Variants in TMCO6 observed in about 807,000 individuals in gnomAD.
TMCO6 encodes the protein transmembrane and coiled-coil domains 6.
In TMCO6, 47 loss-of-function variants were observed where a neutral mutation model predicts 61.8. That is an observed-to-expected ratio of 0.76 (90% CI 0.60 to 0.97). The LOEUF (loss-of-function observed/expected upper bound fraction) is 0.97. TMCO6 is among the 50% of genes least tolerant of loss of function. The probability of loss-of-function intolerance (pLI) is 0.00; values close to 1 mark genes in which losing one functional copy is unlikely to be tolerated. For missense variants in TMCO6, 557 were observed against 601.6 expected (o/e 0.93, Z 0.78); for synonymous variants, 261 against 254.2 (o/e 1.03, Z -0.25).
chr5:140,632,820 A>G, the TMCO6 span: 1 of 1,613,948 alleles, frequency 6.2e-7, no homozygotes, highest in South Asian at 1.1e-5. This position sits in a 1 kb window ranked among gnomAD's most constrained non-coding sequence, Gnocchi z 6.2. Flanking sequence ...CTCCACCTCT[A>G]CTGCAGACAC....
At chr5:140,647,435 T>G (rs996216750), downstream of TMCO6, 1 of 1,608,452 alleles carries the variant, frequency 6.2e-7, no homozygotes, top group Non-Finnish European at 8.5e-7. Context: ...GTCGAGGTCG[T>G]GACCCTGGCG....
At chr5:140,643,086 C>G in intron 7 of TMCO6, 45 bp downstream of exon 7, 1 of 1,612,970 alleles carries the variant, frequency 6.2e-7, no homozygotes. Flanking sequence ...CCCTGGGGCT[C>G]CCTTCCATGA....
At chr5:140,610,335 G>A in the TMCO6 span, among the ~76,000 whole-genome samples, 4 of 151,916 alleles carry the variant, frequency 2.6e-5, no homozygotes, top group Non-Finnish European at 2.9e-5. Context: ...CCAGCCTGGC[G>A]ACGGCACAAG....
chr5:140,645,464 C>A (rs962842892), downstream of TMCO6: 5 of 1,302,194 alleles, frequency 3.8e-6, no homozygotes, highest in East Asian at 2.4e-5. Flanking sequence ...ACAAGAACAC[C>A]CTGAGAAAGT....
upstream of TMCO6, among the ~76,000 whole-genome samples, chr5:140,637,750 C>A (rs1232735515): frequency 1.3e-5 from 2 of 152,204 alleles, no homozygotes; most frequent in Non-Finnish European, 2.9e-5. Context: ...AATCCTTTAT[C>A]TTAACCCAGA....
At chr5:140,621,802 G>A in the TMCO6 span, among the ~76,000 whole-genome samples, 420 of 152,284 alleles carry the variant, frequency 2.8e-3, 1 homozygote, top group Middle Eastern at 0.014. Context: ...CCCCCTGGGC[G>A]TGGCCATCTC....
At chr5:140,637,210 G>T (rs577886123), upstream of TMCO6, among the ~76,000 whole-genome samples, 4 of 152,302 alleles carry the variant, frequency 2.6e-5, no homozygotes, top group Non-Finnish European at 5.9e-5. Flanking sequence ...GGTCCCAGAA[G>T]AGGTGAGTCC....
the TMCO6 span, among the ~76,000 whole-genome samples, chr5:140,616,645 A>G: frequency 1.2e-3 from 189 of 152,372 alleles, no homozygotes; most frequent in African/African-American, 4.4e-3. Context: ...AACGCAATGT[A>G]TGGAATAGGA....
the TMCO6 span, among the ~76,000 whole-genome samples, chr5:140,630,977 G>A: frequency 6.6e-6 from 1 of 152,222 alleles, no homozygotes; most frequent in Admixed American, 6.5e-5. Flanking sequence ...GATGGCTGAT[G>A]CTGTAGGTCT....
the TMCO6 span, chr5:140,633,522 T>C: frequency 4.3e-6 from 1 of 231,550 alleles, no homozygotes; most frequent in Non-Finnish European, 8.7e-6. Context: ...AACCCCCCAA[T>C]CCCCCTACCT....
downstream of TMCO6, chr5:140,647,605 C>G (rs1309450190): frequency 2.5e-6 from 4 of 1,606,080 alleles, no homozygotes; most frequent in East Asian, 6.7e-5. Flanking sequence ...TCGAAGTCGC[C>G]AATTCCAGGT....
chr5:140,628,059 A>C, the TMCO6 span, among the ~76,000 whole-genome samples: 1 of 146,872 alleles, frequency 6.8e-6, no homozygotes, highest in African/African-American at 2.5e-5. Context: ...CCCACGCTGG[A>C]GTGCAGTGGC....
chr5:140,620,446 T>G, the TMCO6 span, among the ~76,000 whole-genome samples: 1 of 152,172 alleles, frequency 6.6e-6, no homozygotes, highest in Non-Finnish European at 1.5e-5. Flanking sequence ...GATATAATGG[T>G]GGGTACATGT....
Position 140,645,033 on chromosome 5 carries a change from C to A in TMCO6, c.1417C>A (p.His473Asn), listed in dbSNP as rs1323737016. The A allele has an allele frequency of 2.5e-6, 4 of 1,614,122 alleles. No homozygotes were observed. Among genetic ancestry groups the A allele is most frequent in the Non-Finnish European group, 3.4e-6 (4 of 1,180,050 alleles). ...GTCAGGGCTGCAAGCCCTGGAAAGG[C>A]ATCAGGAAGAGGCCCAGCTCCAGGA... ...QQSGLQALER[H>N]QEEAQLQDRV... The change falls in exon 12 of 12, where the codon CAT becomes AAT. Residue 473 changes from histidine to asparagine, a missense_variant. His to Asn is a moderately conservative substitution (Grantham distance 68, BLOSUM62 1). Coordinates refer to ENST00000394671, the MANE Select transcript of TMCO6 (RefSeq NM_018502.5).
At chr5:140,597,870 AAG>A in the TMCO6 span, among the ~76,000 whole-genome samples, 12 of 152,354 alleles carry the variant, frequency 7.9e-5, no homozygotes, top group South Asian at 2.5e-3. Flanking sequence ...TGCTGAAATA[AAG>A]ATTTAAAGGT....
the TMCO6 span, among the ~76,000 whole-genome samples, chr5:140,624,004 T>C: frequency 6.6e-6 from 1 of 152,246 alleles, no homozygotes; most frequent in African/African-American, 2.4e-5. Flanking sequence ...ACCATGTTTT[T>C]GTGTGGGTTT....
chr5:140,637,241 G>C (rs1756790625), upstream of TMCO6, among the ~76,000 whole-genome samples: 1 of 152,120 alleles, frequency 6.6e-6, no homozygotes, highest in Non-Finnish European at 1.5e-5. Context: ...GGTATGCAGG[G>C]GTTAGACCAT....
the TMCO6 span, chr5:140,632,338 G>A: frequency 6.2e-7 from 1 of 1,614,098 alleles, no homozygotes; most frequent in Non-Finnish European, 8.5e-7. This position sits in a 1 kb window ranked among gnomAD's most constrained non-coding sequence, Gnocchi z 6.2. Context: ...TGGGGACAGA[G>A]AGCCGCCATC....
chr5:140,632,468 G>C, the TMCO6 span: 3 of 1,614,062 alleles, frequency 1.9e-6, no homozygotes, highest in African/African-American at 2.7e-5. This position sits in a 1 kb window ranked among gnomAD's most constrained non-coding sequence, Gnocchi z 6.2. Context: ...TCAGTACCTT[G>C]AGGCCTGGCT....
Sources: allele counts gnomAD v4.1 joint callset (sites outside exome capture counted in the v4.1 genomes callset), GRCh38; gene constraint gnomAD v4.1.1; non-coding constraint Gnocchi (gnomAD v3.1); transcripts MANE v1.5; gene names NCBI Gene and HGNC (gene_info 2026-07-23, HGNC 2026-07-21).